SLCO1B1: variants seen among roughly 807,000 people sequenced by gnomAD.
SLCO1B1 encodes OATP-2.
In SLCO1B1, 81 loss-of-function variants were observed where a neutral mutation model predicts 70.1. The observed-to-expected ratio is 1.16, with a 90% CI of 0.97 to 1.39. The LOEUF (loss-of-function observed/expected upper bound fraction) is 1.39. SLCO1B1 is among the 40% of genes most tolerant of loss of function. SLCO1B1 has a pLI of 0.00. For synonymous variants in SLCO1B1, 283 were observed against 271.5 expected (o/e 1.04, Z -0.42); for missense variants, 895 against 799.6 (o/e 1.12, Z -1.44).
At chr12:21,189,602 A>G (rs1317038660) in intron 7 of SLCO1B1, among the ~76,000 whole-genome samples, 1 of 151,942 alleles carries the variant, frequency 6.6e-6, no homozygotes, top group Non-Finnish European at 1.5e-5. Context: ...TGCCTCCACC[A>G]CACCTGGCTA....
chr12:21,146,380 T>C (rs1179997669), intron 2 of SLCO1B1, among the ~76,000 whole-genome samples: 1 of 152,120 alleles, frequency 6.6e-6, no homozygotes, highest in African/African-American at 2.4e-5. Context: ...TTAATCTTTC[T>C]AAAGAATTAA....
intron 9 of SLCO1B1, among the ~76,000 whole-genome samples, chr12:21,201,637 C>CT (rs1696101184): frequency 6.6e-6 from 1 of 152,112 alleles, no homozygotes; most frequent in East Asian, 1.9e-4. Flanking sequence ...GGTTAGAACT[C>CT]TATCTGAGAG....
At position 21,149,704 on chromosome 12, in the gene SLCO1B1, G is replaced by A. The variant is rs377347328; in HGVS notation, c.84+8046G>A. ...TATGCTTTTCCCAGTCTTTGCCACTGGCAGACCAGGAGATTCCCTCGGGTG... is the reference window on the plus strand; with the variant it reads ...TATGCTTTTCCCAGTCTTTGCCACTAGCAGACCAGGAGATTCCCTCGGGTG... On this transcript the variant is annotated intron_variant, in intron 2 of 14. Transcript: ENST00000256958. Among the ~76,000 whole-genome samples the A allele has an allele frequency of 4.3e-4, 65 of 152,240 alleles. No homozygotes were observed. In the East Asian group the frequency reaches 8.9e-3, roughly 21 times the overall value.
intron 2 of SLCO1B1, among the ~76,000 whole-genome samples, chr12:21,157,026 C>T (rs1041695673): frequency 6.6e-6 from 1 of 152,134 alleles, no homozygotes; most frequent in Non-Finnish European, 1.5e-5. Context: ...AACACACGAA[C>T]ATAATTTCTT....
At chr12:21,174,021 T>G (rs1165643990) in intron 3 of SLCO1B1, among the ~76,000 whole-genome samples, 1 of 152,088 alleles carries the variant, frequency 6.6e-6, no homozygotes, top group African/African-American at 2.4e-5. Context: ...CCTCCTAAAG[T>G]GCTGGGATTA....
At chr12:21,174,739 T>G in intron 4 of SLCO1B1, 30 bp downstream of exon 4, 1 of 1,571,188 alleles carries the variant, frequency 6.4e-7, no homozygotes, top group Non-Finnish European at 8.7e-7. Flanking sequence ...AAAACCTCTG[T>G]GCCACTATCA....
chr12:21,184,386 A>G (rs897244988), intron 7 of SLCO1B1, among the ~76,000 whole-genome samples: 7 of 152,206 alleles, frequency 4.6e-5, no homozygotes, highest in Non-Finnish European at 8.8e-5. Flanking sequence ...GTCACTGTCA[A>G]GGGGAACCCC....
intron 1 of SLCO1B1, among the ~76,000 whole-genome samples, chr12:21,133,439 T>C (rs1337039392): frequency 6.6e-6 from 1 of 152,188 alleles, no homozygotes; most frequent in Non-Finnish European, 1.5e-5. Context: ...GCCATTTTCA[T>C]GATATTGATT....
At chr12:21,227,932 T>C (rs1206364726) in intron 14 of SLCO1B1, among the ~76,000 whole-genome samples, 1 of 152,108 alleles carries the variant, frequency 6.6e-6, no homozygotes, top group African/African-American at 2.4e-5. Context: ...ACAACTGGTA[T>C]AGTATCCAAA....
chr12:21,174,283 A>T (rs1940791791), intron 3 of SLCO1B1, among the ~76,000 whole-genome samples: 1 of 152,196 alleles, frequency 6.6e-6, no homozygotes, highest in Admixed American at 6.5e-5. Context: ...TACCCTCATC[A>T]GGAAGATTCA....
At chr12:21,225,280 G>T (rs1237224892) in intron 14 of SLCO1B1, among the ~76,000 whole-genome samples, 2 of 152,030 alleles carry the variant, frequency 1.3e-5, no homozygotes, top group African/African-American at 4.8e-5. Flanking sequence ...ACTAGCTGGG[G>T]CTCTGGTCAT....
In SLCO1B1 at chr12:21,239,173, G is replaced by T. The variant is rs757156305; in HGVS notation, c.2060G>T (p.Ser687Ile). The change falls in exon 15 of 15, where the codon AGT becomes ATT. Residue 687 changes from serine (S) to isoleucine (I), a missense_variant. Coordinates refer to ENST00000256958, the MANE Select transcript of SLCO1B1 (RefSeq NM_006446.5). ...KHFVPSAGAD[S>I]ETHC ...TTTGTCCCTTCTGCTGGGGCAGATA[G>T]TGAAACACATTGTTAAGGGGAGAAA... 6.2e-7 allele frequency: 1 copy of T among 1,612,390 alleles called. No individual in the cohort carries two copies.
chr12:21,238,583 C>T (rs1278771748), intron 14 of SLCO1B1, among the ~76,000 whole-genome samples: 1 of 151,652 alleles, frequency 6.6e-6, no homozygotes, highest in Non-Finnish European at 1.5e-5. Flanking sequence ...GTGTAAGGTG[C>T]TGGAGAAGGG....
chr12:21,202,001 C>T (rs1349321045), intron 9 of SLCO1B1, among the ~76,000 whole-genome samples: 1 of 152,094 alleles, frequency 6.6e-6, no homozygotes, highest in Non-Finnish European at 1.5e-5. Context: ...AAATGTGGCA[C>T]ATGTGTACCA....
chr12:21,155,445 G>A (rs982397842), intron 2 of SLCO1B1, among the ~76,000 whole-genome samples: 5 of 151,716 alleles, frequency 3.3e-5, no homozygotes, highest in Admixed American at 2.0e-4. Context: ...TATATTTTGT[G>A]TATTTGTAAT....
rs1940705680 is a variant in SLCO1B1, at chr12:21,167,794, ATTTCTTTCTTT to A, written c.85-4843_85-4833del. Among the ~76,000 whole-genome samples, 3 of 145,094 alleles carry A rather than the reference ATTTCTTTCTTT, an allele frequency of 2.1e-5. No individual in the cohort carries two copies. In the South Asian group the frequency reaches 6.7e-4, roughly 32 times the overall value. On this transcript the variant is annotated intron_variant, in intron 2 of 14. Coordinates refer to ENST00000256958, the MANE Select transcript of SLCO1B1 (RefSeq NM_006446.5). ...TTCTAATTTTTTGACTACTTTAAAT[ATTTCTTTCTTT>A]TTTCTTTCTTTTCTTTTTTTTTTTT...
rs1377827667 is a variant in SLCO1B1 at position 21,157,628 on chromosome 12, G to T, written c.85-15022G>T. Among the ~76,000 whole-genome samples the T allele has an allele frequency of 1.3e-4, 19 of 147,900 alleles. No homozygotes were observed. The South Asian group carries it at 1.7e-3, about 13-fold the overall frequency. On this transcript the variant is annotated intron_variant, in intron 2 of 14. Coordinates refer to ENST00000256958, the MANE Select transcript of SLCO1B1 (RefSeq NM_006446.5). ...TTTTTTTTTTTTTTTTTGAGACAGG[G>T]TCTCACTCTGTCACCCAGGCTGGAG...
intron 11 of SLCO1B1, among the ~76,000 whole-genome samples, chr12:21,207,237 C>A (rs1393776655): frequency 6.6e-6 from 1 of 151,812 alleles, no homozygotes; most frequent in Non-Finnish European, 1.5e-5. Context: ...ATTCCCATCC[C>A]CCAGGTAGTG....
chr12:21,185,502 T>A (rs541473626), intron 7 of SLCO1B1, among the ~76,000 whole-genome samples: 1 of 152,176 alleles, frequency 6.6e-6, no homozygotes, highest in Non-Finnish European at 1.5e-5. Flanking sequence ...TCCTGAATAA[T>A]TCTTGGTTTA....
Sources: gnomAD v4.1 joint callset for allele counts (sites outside exome capture counted in the v4.1 genomes callset) on GRCh38, gnomAD v4.1.1 for gene constraint, MANE v1.5 for transcripts, NCBI Gene and HGNC (gene_info 2026-07-23, HGNC 2026-07-21) for gene names.